The following LAP3 variants were observed in gnomAD, a reference collection of about 807,000 sequenced individuals.
LAP3 encodes cytosol aminopeptidase.
In LAP3, 46 loss-of-function variants were observed where a neutral mutation model predicts 58.8. That is an observed-to-expected ratio of 0.78 (90% CI 0.62 to 1.00). LAP3 has a LOEUF of 1.00. Ranked by LOEUF, LAP3 falls within the 50% of genes least tolerant of loss-of-function variation. The probability of loss-of-function intolerance (pLI) is 0.00; values close to 1 mark genes in which losing one functional copy is unlikely to be tolerated. For missense variants in LAP3, 615 were observed against 659.1 expected, an observed-to-expected ratio of 0.93 and a Z score of 0.73; for synonymous variants, 257 against 237.7, an observed-to-expected ratio of 1.08 and a Z score of -0.75.
chr4:17,581,890 C>A, intron 3 of LAP3, 76 bp downstream of exon 3: 2 of 1,095,800 alleles, frequency 1.8e-6, no homozygotes, highest in South Asian at 1.3e-5. Context: ...GCTGTCTAGT[C>A]ATACTAAACA....
chr4:17,605,280 T>C (rs536193873), intron 11 of LAP3, among the ~76,000 whole-genome samples: 1 of 152,338 alleles, frequency 6.6e-6, no homozygotes, highest in East Asian at 1.9e-4. Flanking sequence ...TTTCTTGGGC[T>C]GCCTCCTGTG....
intron 7 of LAP3, among the ~76,000 whole-genome samples, chr4:17,591,138 G>T (rs975375339): frequency 1.3e-5 from 2 of 151,516 alleles, no homozygotes; most frequent in Admixed American, 1.3e-4. Flanking sequence ...GTGCATTGGC[G>T]CAGTCTTGGC....
At chr4:17,606,991 A>G (rs1379821882) in intron 12 of LAP3, 53 bp downstream of exon 12, 1 of 1,212,046 alleles carries the variant, frequency 8.3e-7, no homozygotes, top group East Asian at 2.4e-5. Flanking sequence ...GATTGCCAAA[A>G]TAGCTATTTT....
At chr4:17,599,000 A>T (rs1713921436) in intron 10 of LAP3, among the ~76,000 whole-genome samples, 1 of 152,048 alleles carries the variant, frequency 6.6e-6, no homozygotes, top group South Asian at 2.1e-4. Context: ...AGCCTCCCAA[A>T]GTGCTGGGGT....
At chr4:17,593,900 A>C (rs1713767039) in intron 7 of LAP3, among the ~76,000 whole-genome samples, 1 of 152,148 alleles carries the variant, frequency 6.6e-6, no homozygotes, top group Non-Finnish European at 1.5e-5. Flanking sequence ...GGCGTGAGCC[A>C]CCACACTCGG....
chr4:17,597,670 A>G (rs544685397), intron 9 of LAP3, among the ~76,000 whole-genome samples: 1 of 152,234 alleles, frequency 6.6e-6, no homozygotes, highest in African/African-American at 2.4e-5. Context: ...TATGCTATAC[A>G]TGTGTATACA....
intron 11 of LAP3, 104 bp downstream of exon 11, chr4:17,604,771 C>A: frequency 3.4e-6 from 3 of 871,750 alleles, no homozygotes; most frequent in Non-Finnish European, 5.5e-6. Context: ...GATTTTTATG[C>A]CGCAGGTTTG....
Position 17,598,545 on chromosome 4 carries a change from C to T in LAP3, c.1167C>T (p.Ala389=), listed in dbSNP as rs375594380. ...TTAACCCGAAGGTCATCCTCAATGCCGCCACCTTAACAGGTCAGACCGCGC... is the reference window on the plus strand; with the variant it reads ...TTAACCCGAAGGTCATCCTCAATGCTGCCACCTTAACAGGTCAGACCGCGC... ...HTFNPKVILN[A]ATLTGAMDVA... is the part of the protein sequence containing the mutation. Residue 389 remains alanine, a synonymous_variant, in exon 10 of 13, where the codon GCC becomes GCT. Coordinates refer to ENST00000226299, the MANE Select transcript of LAP3 (RefSeq NM_015907.3). 19 of 1,613,202 alleles carry T rather than the reference C, an allele frequency of 1.2e-5. No homozygotes were observed. The highest frequency in any genetic ancestry group is 1.6e-4 in the Middle Eastern group (1 of 6,082).
chr4:17,593,543 C>A (rs1182334985), intron 7 of LAP3, among the ~76,000 whole-genome samples: 2 of 145,196 alleles, frequency 1.4e-5, no homozygotes, highest in East Asian at 2.1e-4. Flanking sequence ...CAGCTTTGCT[C>A]TTCTTTTTCA....
chr4:17,606,825 C>G lies in LAP3; in HGVS notation c.1261-4C>G, dbSNP rs760963451. 2 of 1,606,740 alleles carry G rather than the reference C, an allele frequency of 1.2e-6. No homozygotes were observed. Among genetic ancestry groups the G allele is most frequent in the Non-Finnish European group, 1.7e-6 (2 of 1,175,918 alleles). On this transcript the variant is annotated splice_polypyrimidine_tract_variant and splice_region_variant and intron_variant, in intron 11 of 12. Coordinates refer to ENST00000226299, the MANE Select transcript of LAP3 (RefSeq NM_015907.3). ...CTCTTCCACCTGTCATACCTGTTCT[C>G]TAGGCCAGCATTGAAACAGGGGACC... is the stretch of plus-strand genomic sequence containing the variant.
chr4:17,582,645 CTT>C (rs1424368175), intron 4 of LAP3: 3 of 350,944 alleles, frequency 8.5e-6, no homozygotes, highest in Non-Finnish European at 1.6e-5. Flanking sequence ...TTTGTTCGCT[CTT>C]GTCATATTAG....
intron 2 of LAP3, among the ~76,000 whole-genome samples, chr4:17,581,196 A>C (rs1276341465): frequency 6.6e-6 from 1 of 152,242 alleles, no homozygotes; most frequent in Non-Finnish European, 1.5e-5. Context: ...TGGAGAAACC[A>C]CATAGATATA....
At chr4:17,582,218 G>A in intron 3 of LAP3, 70 bp from the exon 4 acceptor site, 1 of 1,263,496 alleles carries the variant, frequency 7.9e-7, no homozygotes, top group Non-Finnish European at 1.1e-6. Flanking sequence ...GTCTCCACAT[G>A]TAGAATTCCT....
intron 1 of LAP3, 33 bp from the exon 2 acceptor site, chr4:17,579,791 T>G (rs1175325990): frequency 2.2e-5 from 27 of 1,255,536 alleles, no homozygotes; most frequent in Non-Finnish European, 2.7e-5. Flanking sequence ...CTACTCTAAT[T>G]CTATTATATT....
intron 7 of LAP3, among the ~76,000 whole-genome samples, chr4:17,589,272 G>C (rs190959656): frequency 6.6e-6 from 1 of 152,098 alleles, no homozygotes; most frequent in Admixed American, 6.6e-5. Context: ...TGTTGGCCAG[G>C]CTGGTTTTGA....
At chr4:17,578,053 T>C (rs1374984611) in intron 1 of LAP3, among the ~76,000 whole-genome samples, 1 of 152,176 alleles carries the variant, frequency 6.6e-6, no homozygotes, top group African/African-American at 2.4e-5. Flanking sequence ...AAAAGGGCTT[T>C]GGGGAGAGAC....
chr4:17,601,979 T>C (rs1331957850), intron 10 of LAP3, among the ~76,000 whole-genome samples: 1 of 152,170 alleles, frequency 6.6e-6, no homozygotes, highest in Non-Finnish European at 1.5e-5. Flanking sequence ...AAGTTTCAGT[T>C]TTCCTTGGGA....
intron 4 of LAP3, among the ~76,000 whole-genome samples, chr4:17,582,944 C>T (rs1713402939): frequency 6.6e-6 from 1 of 152,168 alleles, no homozygotes; most frequent in Non-Finnish European, 1.5e-5. Flanking sequence ...TGATAATTGG[C>T]TTGATTACTA....
intron 10 of LAP3, among the ~76,000 whole-genome samples, chr4:17,600,629 G>A (rs73800305): frequency 0.031 from 4,779 of 152,158 alleles, 233 homozygotes; most frequent in African/African-American, 0.11. Flanking sequence ...TTGGCCCTAC[G>A]TAAGCAAGGG....
Sources: gnomAD v4.1 joint callset for allele counts (sites outside exome capture counted in the v4.1 genomes callset) on GRCh38, gnomAD v4.1.1 for gene constraint, MANE v1.5 for transcripts, NCBI Gene and HGNC (gene_info 2026-07-23, HGNC 2026-07-21) for gene names.